GALNT17: variants seen among roughly 807,000 people sequenced by gnomAD.
GALNT17 encodes the protein polypeptide N-acetylgalactosaminyltransferase 17, also known as UDP-GalNAc:polypeptide N-acetylgalactosaminyltransferase-like 3.
GALNT17 carries 29 observed loss-of-function variants against 63.7 expected under a neutral mutation model. That is an observed-to-expected ratio of 0.46 (90% CI 0.34 to 0.62). The LOEUF (loss-of-function observed/expected upper bound fraction) is 0.62. Among genes scored for constraint, GALNT17 ranks in the 20% least tolerant of loss-of-function variants. The pLI, the probability that GALNT17 is intolerant of heterozygous loss-of-function variation, is 0.01. For synonymous variants in GALNT17, 305 were observed against 318.3 expected (o/e 0.96, Z 0.45); for missense variants, 603 against 799.6 (o/e 0.75, Z 2.97).
intron 7 of GALNT17, among the ~76,000 whole-genome samples, chr7:71,669,100 T>C (rs559352310): frequency 6.6e-6 from 1 of 152,252 alleles, no homozygotes; most frequent in African/African-American, 2.4e-5. Flanking sequence ...CAGAAATCCA[T>C]TTGCACAGCA....
chr7:71,651,763 G>T (rs1020710624), intron 6 of GALNT17, among the ~76,000 whole-genome samples: 3 of 152,106 alleles, frequency 2.0e-5, no homozygotes, highest in African/African-American at 7.2e-5. Context: ...CCAGGCTGGA[G>T]CGCAGTAGCA....
At chr7:71,675,438 G>C (rs1791135657) in intron 8 of GALNT17, among the ~76,000 whole-genome samples, 1 of 152,118 alleles carries the variant, frequency 6.6e-6, no homozygotes, top group Non-Finnish European at 1.5e-5. Flanking sequence ...CAAATATTCT[G>C]TTAAAACATT....
chr7:71,599,519 C>G (rs1369576819), intron 6 of GALNT17, among the ~76,000 whole-genome samples: 2 of 152,036 alleles, frequency 1.3e-5, no homozygotes, highest in Non-Finnish European at 2.9e-5. Flanking sequence ...TAAAAAATAT[C>G]CTTCCCTCTA....
At chr7:71,700,284 G>A (rs1161172921) in intron 9 of GALNT17, among the ~76,000 whole-genome samples, 1 of 151,310 alleles carries the variant, frequency 6.6e-6, no homozygotes, top group African/African-American at 2.4e-5. Context: ...CTACAGTTTG[G>A]GTGACATAGT....
chr7:71,530,845 G>A (rs1284385462), intron 5 of GALNT17, among the ~76,000 whole-genome samples: 2 of 152,104 alleles, frequency 1.3e-5, no homozygotes, highest in Non-Finnish European at 2.9e-5. Context: ...TGGGATTACA[G>A]GCGTGAGCCA....
intron 1 of GALNT17, among the ~76,000 whole-genome samples, chr7:71,250,969 A>C (rs941230313): frequency 2.6e-5 from 4 of 152,252 alleles, no homozygotes; most frequent in Admixed American, 2.6e-4. Context: ...TAGTCCTGCT[A>C]TCTTGGCTGT....
At chr7:71,351,800 G>T (rs886965434) in intron 2 of GALNT17, among the ~76,000 whole-genome samples, 2 of 152,148 alleles carry the variant, frequency 1.3e-5, no homozygotes, top group African/African-American at 4.8e-5. Flanking sequence ...CTTTGCTATG[G>T]CAGCCTAGGG....
intron 5 of GALNT17, among the ~76,000 whole-genome samples, chr7:71,564,747 C>T (rs948288833): frequency 9.2e-5 from 14 of 152,176 alleles, no homozygotes; most frequent in Admixed American, 5.2e-4. Flanking sequence ...CTCCTGGGCA[C>T]CTCTGGGCTG....
intron 1 of GALNT17, among the ~76,000 whole-genome samples, chr7:71,232,605 C>T (rs73190448): frequency 6.6e-6 from 1 of 152,210 alleles, no homozygotes; most frequent in Non-Finnish European, 1.5e-5. Flanking sequence ...CAAGAGTGAG[C>T]CAGTAGTAGA....
At chr7:71,375,479 G>A (rs1391662362) in intron 2 of GALNT17, among the ~76,000 whole-genome samples, 3 of 152,108 alleles carry the variant, frequency 2.0e-5, no homozygotes, top group Non-Finnish European at 2.9e-5. Context: ...CAGTGGTGCA[G>A]TCACACCTCA....
chr7:71,670,261 G>C, intron 8 of GALNT17, 152 bp downstream of exon 8: 1 of 1,037,070 alleles, frequency 9.6e-7, no homozygotes, highest in Non-Finnish European at 1.5e-6. Context: ...CTAGCTGGGG[G>C]GTTGGGGTAG....
At chr7:71,666,070 C>T (rs1326138203) in intron 7 of GALNT17, among the ~76,000 whole-genome samples, 3 of 152,098 alleles carry the variant, frequency 2.0e-5, no homozygotes, top group Non-Finnish European at 1.5e-5. Flanking sequence ...CATGTTACTG[C>T]AGCCCCACAG....
chr7:71,615,468 CTTTTTTTTTTTT>C (rs59981146), intron 6 of GALNT17, among the ~76,000 whole-genome samples: 1 of 60,188 alleles, frequency 1.7e-5, no homozygotes, highest in Non-Finnish European at 2.9e-5. Flanking sequence ...GAGCAAAGCA[CTTTTTTTTTTTT>C]TTTTTTTTTT....
intron 9 of GALNT17, 136 bp downstream of exon 9, chr7:71,677,442 A>T: frequency 1.3e-6 from 1 of 785,390 alleles, no homozygotes. Context: ...TTTAAGAAGA[A>T]GGTAGGAGTC....
intron 2 of GALNT17, among the ~76,000 whole-genome samples, chr7:71,336,388 T>A (rs1192958776): frequency 6.6e-6 from 1 of 152,136 alleles, no homozygotes; most frequent in Non-Finnish European, 1.5e-5. Flanking sequence ...GGGGAACATG[T>A]GTAGGTTTGT....
intron 8 of GALNT17, among the ~76,000 whole-genome samples, chr7:71,673,234 T>TA (rs1791098311): frequency 6.6e-6 from 1 of 152,192 alleles, no homozygotes; most frequent in African/African-American, 2.4e-5. Flanking sequence ...GATTTGAGAG[T>TA]AAAATTGTTC....
At chr7:71,498,741 G>A (rs925907660) in intron 5 of GALNT17, among the ~76,000 whole-genome samples, 1 of 152,158 alleles carries the variant, frequency 6.6e-6, no homozygotes, top group African/African-American at 2.4e-5. Flanking sequence ...TGTCTGTGAA[G>A]CATCACATTA....
chr7:71,652,805 A>G (rs1790772385), intron 6 of GALNT17, among the ~76,000 whole-genome samples: 1 of 152,168 alleles, frequency 6.6e-6, no homozygotes, highest in South Asian at 2.1e-4. Context: ...CATGCTCCAG[A>G]GGTGGTGGAA....
chr7:71,481,616 G>T (rs147560535), intron 5 of GALNT17, among the ~76,000 whole-genome samples: 1 of 152,058 alleles, frequency 6.6e-6, no homozygotes, highest in Non-Finnish European at 1.5e-5. Flanking sequence ...AACAGCAGCC[G>T]CTTTGTAGCT....
Sources: gnomAD v4.1 joint callset for allele counts (sites outside exome capture counted in the v4.1 genomes callset) on GRCh38, gnomAD v4.1.1 for gene constraint, MANE v1.5 for transcripts, NCBI Gene and HGNC (gene_info 2026-07-23, HGNC 2026-07-21) for gene names.